The following LPAR3 variants were observed in gnomAD, a reference collection of about 807,000 sequenced individuals.
LPAR3 encodes lysophosphatidic acid receptor 3.
LPAR3 carries 7 observed loss-of-function variants against 17.8 expected under a neutral mutation model. The observed-to-expected ratio is 0.39, with a 90% CI of 0.22 to 0.74. The LOEUF is 0.74. LPAR3 is among the 30% of genes least tolerant of loss of function. LPAR3 has a pLI of 0.40. For missense variants in LPAR3, 391 were observed against 453.4 expected, an observed-to-expected ratio of 0.86 and a Z score of 1.25; for synonymous variants, 179 against 179.9, an observed-to-expected ratio of 0.99 and a Z score of 0.04.
intron 2 of LPAR3, 87 bp downstream of exon 2, chr1:84,865,298 C>T: frequency 7.2e-7 from 1 of 1,397,636 alleles, no homozygotes; most frequent in Non-Finnish European, 9.6e-7. Context: ...TTCTTACTGC[C>T]TAGTAAGTGC....
intron 2 of LPAR3, among the ~76,000 whole-genome samples, chr1:84,853,569 C>T (rs903472962): frequency 2.6e-5 from 4 of 152,180 alleles, no homozygotes; most frequent in African/African-American, 9.7e-5. Context: ...AAGCTCACGC[C>T]CCACTGGCCT....
At chr1:84,884,433 T>C (rs955119606) in intron 1 of LPAR3, among the ~76,000 whole-genome samples, 10 of 152,246 alleles carry the variant, frequency 6.6e-5, no homozygotes, top group African/African-American at 2.2e-4. Flanking sequence ...AACATAATGA[T>C]TGTGGTAAAT....
intron 1 of LPAR3, among the ~76,000 whole-genome samples, chr1:84,880,348 G>T (rs1291473462): frequency 1.3e-5 from 2 of 152,194 alleles, no homozygotes; most frequent in Admixed American, 6.5e-5. Flanking sequence ...TTGCAAGTAC[G>T]TAAGCAAAGG....
At chr1:84,832,699 T>G (rs1041990250) in intron 2 of LPAR3, among the ~76,000 whole-genome samples, 1 of 151,428 alleles carries the variant, frequency 6.6e-6, no homozygotes, top group African/African-American at 2.4e-5. Flanking sequence ...ACAAGCTGGG[T>G]CACCTTCCAG....
chr1:84,831,693 T>C (rs1045292728), intron 2 of LPAR3, among the ~76,000 whole-genome samples: 4 of 151,602 alleles, frequency 2.6e-5, no homozygotes, highest in East Asian at 1.9e-4. Flanking sequence ...ATCTGATGTA[T>C]CCAAATGTGG....
At chr1:84,884,471 TC>T (rs1660422312) in intron 1 of LPAR3, among the ~76,000 whole-genome samples, 1 of 152,222 alleles carries the variant, frequency 6.6e-6, no homozygotes, top group South Asian at 2.1e-4. Context: ...AGCACATCTC[TC>T]CTTAGAGTTT....
At chr1:84,868,642 G>A (rs967728430) in intron 1 of LPAR3, among the ~76,000 whole-genome samples, 1 of 152,100 alleles carries the variant, frequency 6.6e-6, no homozygotes, top group Non-Finnish European at 1.5e-5. Context: ...TTAATAGGTG[G>A]GGACTTTGGG....
At chr1:84,823,781 AC>A (rs1238280427) in intron 2 of LPAR3, among the ~76,000 whole-genome samples, 2 of 152,180 alleles carry the variant, frequency 1.3e-5, no homozygotes, top group Non-Finnish European at 2.9e-5. Flanking sequence ...ATGCCTCAAT[AC>A]TTCACTAGCT....
intron 1 of LPAR3, among the ~76,000 whole-genome samples, chr1:84,879,697 A>AC (rs1660327502): frequency 1.3e-5 from 2 of 152,110 alleles, no homozygotes; most frequent in African/African-American, 4.8e-5. Flanking sequence ...GCCTCCTGGT[A>AC]CCTCCTTGCA....
intron 2 of LPAR3, among the ~76,000 whole-genome samples, chr1:84,861,534 T>C (rs974969470): frequency 6.6e-6 from 1 of 152,232 alleles, no homozygotes; most frequent in Non-Finnish European, 1.5e-5. Flanking sequence ...CTATGCCACC[T>C]GATGAGGGAA....
intron 2 of LPAR3, among the ~76,000 whole-genome samples, chr1:84,850,374 T>C (rs972171828): frequency 3.6e-5 from 4 of 112,650 alleles, no homozygotes; most frequent in Admixed American, 1.3e-4. Context: ...CTGGGCAACA[T>C]GGTGAAACTC....
At chr1:84,862,852 A>G (rs1300130727) in intron 2 of LPAR3, among the ~76,000 whole-genome samples, 1 of 152,256 alleles carries the variant, frequency 6.6e-6, no homozygotes, top group African/African-American at 2.4e-5. Flanking sequence ...ACACACAGTG[A>G]GAAACGGCCT....
In LPAR3 at chr1:84,833,946, G is replaced by A. The variant is rs1017635412; in HGVS notation, c.737-19775C>T. 4.6e-5 allele frequency among the ~76,000 whole-genome samples: 7 copies of A among 152,194 alleles called. 1 individual carries two copies. The highest frequency in any genetic ancestry group is 1.7e-4 in the African/African-American group (7 of 41,434). On this transcript the variant is annotated intron_variant, in intron 2 of 2. Transcript: ENST00000370611. ...AAATGCTTAGACACGAGAGCTAAGT[G>A]AGATGCAGAAACTAGCTATTCTTTT...
intron 2 of LPAR3, among the ~76,000 whole-genome samples, chr1:84,852,789 C>T (rs1659743953): frequency 6.6e-6 from 1 of 152,036 alleles, no homozygotes; most frequent in Non-Finnish European, 1.5e-5. Context: ...GAGGAAGACA[C>T]TATCAAAGGG....
intron 2 of LPAR3, among the ~76,000 whole-genome samples, chr1:84,856,404 T>G (rs943676934): frequency 1.1e-4 from 16 of 152,238 alleles, no homozygotes; most frequent in Non-Finnish European, 1.8e-4. Flanking sequence ...TTTTCTTTTT[T>G]TCTATTTTAA....
intron 2 of LPAR3, among the ~76,000 whole-genome samples, chr1:84,863,659 C>G (rs1659983427): frequency 3.9e-5 from 6 of 152,166 alleles, no homozygotes; most frequent in Non-Finnish European, 8.8e-5. Flanking sequence ...CAGTTTCCCC[C>G]CAGGACTCTC....
intron 2 of LPAR3, among the ~76,000 whole-genome samples, chr1:84,827,550 G>A (rs1659186057): frequency 6.6e-6 from 1 of 152,100 alleles, no homozygotes; most frequent in Admixed American, 6.6e-5. Flanking sequence ...ACCACCATGA[G>A]CATGTCACCC....
chr1:84,888,349 G>A (rs542535032), intron 1 of LPAR3, among the ~76,000 whole-genome samples: 8 of 152,068 alleles, frequency 5.3e-5, no homozygotes, highest in Admixed American at 6.5e-5. Context: ...CCCATTCGAC[G>A]AACTGACTTA....
chr1:84,839,929 G>C, intron 2 of LPAR3, among the ~76,000 whole-genome samples: 1 of 152,068 alleles, frequency 6.6e-6, no homozygotes, highest in Non-Finnish European at 1.5e-5. Context: ...TTATATAAGT[G>C]CTTGCTTCTA....
Sources: allele counts gnomAD v4.1 joint callset (sites outside exome capture counted in the v4.1 genomes callset), GRCh38; gene constraint gnomAD v4.1.1; transcripts MANE v1.5; gene names NCBI Gene and HGNC (gene_info 2026-07-23, HGNC 2026-07-21).